RIMS1: variants seen among roughly 807,000 people sequenced by gnomAD.
RIMS1 encodes the protein regulating synaptic membrane exocytosis protein 1.
RIMS1 carries 83 observed loss-of-function variants against 214.1 expected under a neutral mutation model. That is an observed-to-expected ratio of 0.39 (90% CI 0.32 to 0.47). The LOEUF is 0.47. Among genes scored for constraint, RIMS1 ranks in the 20% least tolerant of loss-of-function variants. RIMS1 has a pLI of 0.99. For synonymous variants in RIMS1, 793 were observed against 786.8 expected (o/e 1.01, Z -0.13); for missense variants, 2,050 against 2,161.8 (o/e 0.95, Z 1.03).
intron 4 of RIMS1, among the ~76,000 whole-genome samples, chr6:72,107,845 A>T (rs2035076291): frequency 6.6e-6 from 1 of 152,180 alleles, no homozygotes; most frequent in East Asian, 1.9e-4. Flanking sequence ...AGCTGCAGTA[A>T]ATCATTCTTA....
intron 1 of RIMS1, among the ~76,000 whole-genome samples, chr6:71,942,563 C>T (rs886249788): frequency 2.6e-5 from 4 of 151,942 alleles, no homozygotes; most frequent in Admixed American, 6.6e-5. Context: ...TTTTATGCTA[C>T]GTTTAATTGT....
At chr6:72,369,244 G>A (rs2098139526) in intron 29 of RIMS1, among the ~76,000 whole-genome samples, 1 of 151,782 alleles carries the variant, frequency 6.6e-6, no homozygotes, top group South Asian at 2.1e-4. Context: ...TAAGAAGGGA[G>A]GAACAGGTAG....
intron 1 of RIMS1, among the ~76,000 whole-genome samples, chr6:71,907,446 G>T (rs1775579750): frequency 6.6e-6 from 1 of 152,060 alleles, no homozygotes; most frequent in Non-Finnish European, 1.5e-5. Context: ...TAAAATAAAT[G>T]CTGTAAAAAT....
At chr6:72,312,839 T>G (rs2095580427) in intron 27 of RIMS1, among the ~76,000 whole-genome samples, 1 of 152,190 alleles carries the variant, frequency 6.6e-6, no homozygotes, top group Non-Finnish European at 1.5e-5. Flanking sequence ...TGACTAGTTT[T>G]AGAAAGTATC....
At chr6:72,169,469 C>G (rs2046723888) in intron 4 of RIMS1, among the ~76,000 whole-genome samples, 1 of 152,010 alleles carries the variant, frequency 6.6e-6, no homozygotes, top group Non-Finnish European at 1.5e-5. Flanking sequence ...AGATTTTAGC[C>G]AGGAATATGA....
At chr6:72,188,837 C>T (rs529485443) in intron 6 of RIMS1, among the ~76,000 whole-genome samples, 83 of 152,334 alleles carry the variant, frequency 5.4e-4, no homozygotes, top group African/African-American at 1.9e-3. Context: ...GCATACTTTT[C>T]CTTACCTCCA....
chr6:71,950,841 A>G (rs1789249030), intron 1 of RIMS1, among the ~76,000 whole-genome samples: 1 of 152,156 alleles, frequency 6.6e-6, no homozygotes, highest in Admixed American at 6.5e-5. Flanking sequence ...CTTTCTTTTT[A>G]AATTGAAAAA....
chr6:72,040,047 C>T (rs1820993697), intron 2 of RIMS1, among the ~76,000 whole-genome samples: 1 of 152,020 alleles, frequency 6.6e-6, no homozygotes, highest in South Asian at 2.1e-4. Context: ...GCATTGTTTA[C>T]AGCACATAGG....
intron 4 of RIMS1, among the ~76,000 whole-genome samples, chr6:72,124,963 T>A (rs1251085213): frequency 1.3e-5 from 2 of 152,228 alleles, no homozygotes. Flanking sequence ...TTGTCGACCT[T>A]CTGAAGCCTA....
chr6:72,098,432 T>C (rs533829354), intron 3 of RIMS1, among the ~76,000 whole-genome samples: 1 of 152,118 alleles, frequency 6.6e-6, no homozygotes, highest in South Asian at 2.1e-4. Context: ...GTAGCTGAGA[T>C]TACAGGTGGC....
intron 8 of RIMS1, among the ~76,000 whole-genome samples, chr6:72,236,434 T>A (rs1472363206): frequency 1.3e-5 from 2 of 152,170 alleles, no homozygotes; most frequent in Non-Finnish European, 2.9e-5. Flanking sequence ...TAGACCTACA[T>A]TTTACTACAC....
At chr6:72,111,463 G>A (rs1306739516) in intron 4 of RIMS1, among the ~76,000 whole-genome samples, 1 of 152,116 alleles carries the variant, frequency 6.6e-6, no homozygotes. Flanking sequence ...TTAAGAATAT[G>A]AATTGCAGTT....
chr6:72,281,731 A>C (rs1291488107), intron 23 of RIMS1, among the ~76,000 whole-genome samples: 1 of 151,826 alleles, frequency 6.6e-6, no homozygotes, highest in Non-Finnish European at 1.5e-5. Flanking sequence ...TTCACTTTAC[A>C]TCTTTGCTAA....
chr6:72,099,893 A>C, intron 3 of RIMS1, 82 bp from the exon 4 acceptor site: 2 of 1,124,856 alleles, frequency 1.8e-6, no homozygotes, highest in Non-Finnish European at 2.7e-6. Flanking sequence ...CTTAAAACCA[A>C]TTTATTAATA....
At chr6:72,037,800 C>T (rs1820091406) in intron 2 of RIMS1, among the ~76,000 whole-genome samples, 1 of 151,816 alleles carries the variant, frequency 6.6e-6, no homozygotes, top group Admixed American at 6.6e-5. Flanking sequence ...TTTCACCTCA[C>T]TCTTCCTATT....
At chr6:72,202,961 G>A (rs2052282552) in intron 6 of RIMS1, among the ~76,000 whole-genome samples, 1 of 152,114 alleles carries the variant, frequency 6.6e-6, no homozygotes, top group Admixed American at 6.5e-5. Flanking sequence ...TACATAGCAA[G>A]TACTCCATAA....
intron 6 of RIMS1, 84 bp downstream of exon 6, chr6:72,183,233 G>T: frequency 2.9e-6 from 4 of 1,393,276 alleles, no homozygotes; most frequent in Non-Finnish European, 3.9e-6. Flanking sequence ...CTAGTTGCTG[G>T]GTTCAGCATT....
At chr6:71,959,811 G>A (rs1166273580) in intron 1 of RIMS1, among the ~76,000 whole-genome samples, 3 of 152,022 alleles carry the variant, frequency 2.0e-5, no homozygotes, top group Non-Finnish European at 4.4e-5. Flanking sequence ...CAGATATCAG[G>A]TAATTTTGAA....
chr6:72,273,554 A>G (rs2084559285), intron 22 of RIMS1, among the ~76,000 whole-genome samples: 1 of 152,144 alleles, frequency 6.6e-6, no homozygotes, highest in African/African-American at 2.4e-5. Flanking sequence ...CAGTTTTCTA[A>G]CTTGTGTTTA....
Sources: gnomAD v4.1 joint callset for allele counts (sites outside exome capture counted in the v4.1 genomes callset) on GRCh38, gnomAD v4.1.1 for gene constraint, MANE v1.5 for transcripts, NCBI Gene and HGNC (gene_info 2026-07-23, HGNC 2026-07-21) for gene names.